The following ERBB4 variants were observed in gnomAD, a reference collection of about 807,000 sequenced individuals.
ERBB4 encodes the protein erb-b2 receptor tyrosine kinase 4.
ERBB4 carries 42 observed loss-of-function variants against 158.0 expected under a neutral mutation model. The observed-to-expected ratio is 0.27, with a 90% CI of 0.21 to 0.34. The LOEUF (loss-of-function observed/expected upper bound fraction) is 0.34, where lower values mean the gene tolerates loss of function less well. Among genes scored for constraint, ERBB4 ranks in the 10% least tolerant of loss-of-function variants. ERBB4 has a pLI of 1.00. For synonymous variants in ERBB4, 583 were observed against 558.7 expected (o/e 1.04, Z -0.61); for missense variants, 1,333 against 1,624.1 (o/e 0.82, Z 3.08).
intron 1 of ERBB4, among the ~76,000 whole-genome samples, chr2:212,418,032 G>A (rs1378424789): frequency 6.6e-6 from 1 of 151,888 alleles, no homozygotes; most frequent in African/African-American, 2.4e-5. Flanking sequence ...CAAAAAGGCA[G>A]CCATCAGCAA....
chr2:211,499,757 G>A (rs1474119120), intron 20 of ERBB4, among the ~76,000 whole-genome samples: 1 of 152,014 alleles, frequency 6.6e-6, no homozygotes, highest in African/African-American at 2.4e-5. Flanking sequence ...CTCTTTCTAG[G>A]TGAAGATACC....
chr2:212,007,976 T>C (rs1223857745), intron 2 of ERBB4, among the ~76,000 whole-genome samples: 2 of 152,010 alleles, frequency 1.3e-5, no homozygotes, highest in Admixed American at 1.3e-4. Flanking sequence ...ATATATTGGA[T>C]AGTCAGGAAA....
At chr2:211,478,517 A>G (rs2065010480) in intron 20 of ERBB4, among the ~76,000 whole-genome samples, 1 of 152,146 alleles carries the variant, frequency 6.6e-6, no homozygotes, top group Non-Finnish European at 1.5e-5. Flanking sequence ...CTAAATTTCC[A>G]GAAGTAAAGT....
At chr2:212,190,464 G>T (rs939501286) in intron 1 of ERBB4, among the ~76,000 whole-genome samples, 1 of 152,032 alleles carries the variant, frequency 6.6e-6, no homozygotes, top group Non-Finnish European at 1.5e-5. Flanking sequence ...GTGAACCCGG[G>T]AGGTGGGGCT....
chr2:211,573,901 T>C (rs2067815114), intron 19 of ERBB4, among the ~76,000 whole-genome samples: 1 of 152,136 alleles, frequency 6.6e-6, no homozygotes, highest in African/African-American at 2.4e-5. Flanking sequence ...TAAAAACTGA[T>C]GTTGCTACCA....
At chr2:211,926,215 T>C (rs918875907) in intron 3 of ERBB4, among the ~76,000 whole-genome samples, 1 of 152,114 alleles carries the variant, frequency 6.6e-6, no homozygotes, top group African/African-American at 2.4e-5. Context: ...ATTAGTTACC[T>C]TTTCAATTTG....
At chr2:212,386,044 CTG>C (rs1206094675) in intron 1 of ERBB4, among the ~76,000 whole-genome samples, 1 of 151,704 alleles carries the variant, frequency 6.6e-6, no homozygotes, top group African/African-American at 2.4e-5. Flanking sequence ...GTCACTCTCT[CTG>C]TGTCTTCCTC....
At chr2:211,572,963 C>T (rs1336398536) in intron 19 of ERBB4, among the ~76,000 whole-genome samples, 1 of 152,162 alleles carries the variant, frequency 6.6e-6, no homozygotes, top group Admixed American at 6.5e-5. Flanking sequence ...GATGATGGCT[C>T]TCAAAATATT....
At chr2:211,922,683 A>C (rs1281509565) in intron 3 of ERBB4, among the ~76,000 whole-genome samples, 1 of 152,122 alleles carries the variant, frequency 6.6e-6, no homozygotes, top group Non-Finnish European at 1.5e-5. Context: ...AATTATGCAC[A>C]GTGCATACAA....
intron 1 of ERBB4, among the ~76,000 whole-genome samples, chr2:212,360,329 A>C (rs2089638299): frequency 6.6e-6 from 1 of 151,564 alleles, no homozygotes. Flanking sequence ...TCAGCATCAA[A>C]TACTCCTTGC....
chr2:211,840,161 A>G (rs747347734), intron 3 of ERBB4, among the ~76,000 whole-genome samples: 48 of 151,924 alleles, frequency 3.2e-4, no homozygotes, highest in Non-Finnish European at 5.6e-4. Context: ...TAACAGAATC[A>G]TGGCGTGGGT....
intron 5 of ERBB4, among the ~76,000 whole-genome samples, chr2:211,745,432 G>C (rs2074935502): frequency 6.6e-6 from 1 of 152,254 alleles, no homozygotes; most frequent in East Asian, 1.9e-4. Flanking sequence ...GGACAGGAAT[G>C]AATGTCAAGG....
chr2:212,313,136 CAATGTTATATACCA>C (rs1218736358), intron 1 of ERBB4, among the ~76,000 whole-genome samples: 6 of 150,690 alleles, frequency 4.0e-5, no homozygotes, highest in Non-Finnish European at 8.9e-5. Flanking sequence ...ATATAGTAAT[CAATGTTATATACCA>C]AAGTGTTCTT....
At chr2:212,416,430 G>A (rs948115797) in intron 1 of ERBB4, among the ~76,000 whole-genome samples, 5 of 152,036 alleles carry the variant, frequency 3.3e-5, no homozygotes, top group Non-Finnish European at 1.5e-5. Context: ...CCCGTACTTA[G>A]GAAAGGGGTC....
chr2:211,975,164 T>C (rs1264307530), intron 2 of ERBB4, among the ~76,000 whole-genome samples: 1 of 152,140 alleles, frequency 6.6e-6, no homozygotes, highest in Non-Finnish European at 1.5e-5. Context: ...TATCTTTTTG[T>C]AGATATGAGC....
At chr2:212,378,142 A>G (rs2090386396) in intron 1 of ERBB4, among the ~76,000 whole-genome samples, 1 of 151,820 alleles carries the variant, frequency 6.6e-6, no homozygotes, top group African/African-American at 2.4e-5. Flanking sequence ...ACACTAGGCA[A>G]TAGAAATTGT....
At chr2:212,465,253 A>G (rs1574971187) in intron 1 of ERBB4, among the ~76,000 whole-genome samples, 1 of 152,270 alleles carries the variant, frequency 6.6e-6, no homozygotes, top group East Asian at 1.9e-4. Flanking sequence ...ATAAATTTTC[A>G]TGAAGAGACC....
At chr2:212,374,015 TATATCC>T (rs2090220674) in intron 1 of ERBB4, among the ~76,000 whole-genome samples, 1 of 126,812 alleles carries the variant, frequency 7.9e-6, no homozygotes, top group Non-Finnish European at 1.7e-5. Flanking sequence ...TATATCCATA[TATATCC>T]ATATATATAT....
chr2:211,405,917 C>G (rs1381631711), intron 25 of ERBB4, among the ~76,000 whole-genome samples: 1 of 152,104 alleles, frequency 6.6e-6, no homozygotes, highest in Non-Finnish European at 1.5e-5. Flanking sequence ...TCTTCCTAGT[C>G]ACCCTAGACT....
Sources: allele counts gnomAD v4.1 joint callset (sites outside exome capture counted in the v4.1 genomes callset), GRCh38; gene constraint gnomAD v4.1.1; transcripts MANE v1.5; gene names NCBI Gene and HGNC (gene_info 2026-07-23, HGNC 2026-07-21).